Variants in PRDM16 observed in about 807,000 individuals in gnomAD.
The protein encoded by PRDM16 is histone-lysine N-methyltransferase PRDM16.
In PRDM16, 23 loss-of-function variants were observed where a neutral mutation model predicts 110.6. The observed-to-expected ratio is 0.21, with a 90% CI of 0.15 to 0.29. PRDM16 has a LOEUF of 0.29. Among genes scored for constraint, PRDM16 ranks in the 10% least tolerant of loss-of-function variants. The pLI, the probability that PRDM16 is intolerant of heterozygous loss-of-function variation, is 1.00. For missense variants in PRDM16, 1,615 were observed against 1,794.3 expected, an observed-to-expected ratio of 0.90 and a Z score of 1.81; for synonymous variants, 799 against 781.8, an observed-to-expected ratio of 1.02 and a Z score of -0.37.
At chr1:3,091,544 C>T (rs1642276983) in intron 1 of PRDM16, among the ~76,000 whole-genome samples, 2 of 152,250 alleles carry the variant, frequency 1.3e-5, no homozygotes, top group Non-Finnish European at 2.9e-5. Context: ...TGCCACACTT[C>T]TCCGTGCACC....
At chr1:3,257,310 A>G (rs1640073314) in intron 3 of PRDM16, among the ~76,000 whole-genome samples, 1 of 152,128 alleles carries the variant, frequency 6.6e-6, no homozygotes, top group Non-Finnish European at 1.5e-5. Context: ...CTCTCTGCCC[A>G]CCTGGGGTTG....
intron 1 of PRDM16, among the ~76,000 whole-genome samples, chr1:3,144,727 C>T (rs1643613533): frequency 6.6e-6 from 1 of 152,230 alleles, no homozygotes. Context: ...CCCAGCTCAG[C>T]CCCTGCACGG....
At chr1:3,072,342 C>T (rs775016830) in intron 1 of PRDM16, among the ~76,000 whole-genome samples, 31 of 152,064 alleles carry the variant, frequency 2.0e-4, no homozygotes, top group Non-Finnish European at 4.1e-4. Flanking sequence ...GAGGATGTGC[C>T]AGTCGGCACC....
chr1:3,267,137 C>G (rs1447616499), intron 3 of PRDM16, among the ~76,000 whole-genome samples: 1 of 152,126 alleles, frequency 6.6e-6, no homozygotes, highest in Non-Finnish European at 1.5e-5. Flanking sequence ...CTTTGCTTGC[C>G]CTGAAGGAGA....
chr1:3,072,058 A>G (rs546917670), intron 1 of PRDM16, among the ~76,000 whole-genome samples: 1 of 152,196 alleles, frequency 6.6e-6, no homozygotes, highest in East Asian at 1.9e-4. Flanking sequence ...GGCTCAGCTG[A>G]TGGGAAACCT....
chr1:3,285,330 A>G (rs952950222), intron 3 of PRDM16, among the ~76,000 whole-genome samples: 2 of 152,116 alleles, frequency 1.3e-5, no homozygotes, highest in Non-Finnish European at 2.9e-5. Flanking sequence ...CTGGGAAAGC[A>G]GCTCTGCCCT....
chr1:3,199,124 C>T (rs1273920884), intron 2 of PRDM16, among the ~76,000 whole-genome samples: 2 of 152,216 alleles, frequency 1.3e-5, no homozygotes, highest in South Asian at 2.1e-4. Context: ...GAGTGCTGTG[C>T]GGGGTGGCGG....
At chr1:3,109,099 A>AATT (rs1642729688) in intron 1 of PRDM16, among the ~76,000 whole-genome samples, 2 of 147,114 alleles carry the variant, frequency 1.4e-5, no homozygotes, top group Non-Finnish European at 3.0e-5. Flanking sequence ...TAATAATAAT[A>AATT]ATAATAATAA....
At chr1:3,123,085 C>T (rs890843457) in intron 1 of PRDM16, among the ~76,000 whole-genome samples, 13 of 152,168 alleles carry the variant, frequency 8.5e-5, no homozygotes, top group African/African-American at 2.7e-4. Context: ...GTGAAGAGCC[C>T]GAGGGCTGGA....
chr1:3,150,489 C>T (rs577004077), intron 1 of PRDM16, among the ~76,000 whole-genome samples: 20 of 151,976 alleles, frequency 1.3e-4, no homozygotes, highest in Non-Finnish European at 2.4e-4. Flanking sequence ...ACCCAGGAGG[C>T]GGAGATTGCA....
At position 3,202,322 on chromosome 1, in the gene PRDM16, G is replaced by A. The variant is rs149105776; in HGVS notation, c.387+15848G>A. 3.1e-3 allele frequency among the ~76,000 whole-genome samples: 463 copies of A among 151,350 alleles called. 4 individuals are homozygous for A. The highest frequency in any genetic ancestry group is 0.01 in the African/African-American group (430 of 41,154). On this transcript the variant is annotated intron_variant, in intron 2 of 16. Coordinates refer to ENST00000270722, the MANE Select transcript of PRDM16 (RefSeq NM_022114.4). Reference sequence around the variant, plus strand: ...CTGCTTCCCCCATCTTCAGGGAGCAGGTGCATCCTTCATGCTGGGGGAGTC... The same window carrying A: ...CTGCTTCCCCCATCTTCAGGGAGCAAGTGCATCCTTCATGCTGGGGGAGTC...
At position 3,436,366 on chromosome 1, in the gene PRDM16, G is replaced by A. The variant is rs934879236; in HGVS notation, c.*2555G>A. On this transcript the variant is annotated 3_prime_UTR_variant, in exon 17 of 17. Transcript: ENST00000270722. ...GCCGTTTTCGGCTGTCTTCCTAACC[G>A]TCCTGTCTTCTCTTGGCGCTCTTTC... The A allele has an allele frequency of 3.5e-5, 8 of 229,220 alleles. No individual in the cohort carries two copies. The highest frequency in any genetic ancestry group is 1.2e-4 in the East Asian group (2 of 16,134). 14.2% of individuals were successfully genotyped at this position (229,220 alleles called of 1,614,324 possible). A position where few individuals can be genotyped will look rare whatever the true frequency, so the allele number is the denominator to read the frequency against.
At chr1:3,275,866 G>A (rs934644423) in intron 3 of PRDM16, among the ~76,000 whole-genome samples, 6 of 152,196 alleles carry the variant, frequency 3.9e-5, no homozygotes, top group South Asian at 2.1e-4. Flanking sequence ...GTCTCTTCTC[G>A]TGGGGCCAGC....
intron 3 of PRDM16, chr1:3,306,813 G>A (rs995874103): frequency 6.6e-6 from 1 of 151,962 alleles, no homozygotes; most frequent in Non-Finnish European, 1.5e-5. Flanking sequence ...ACACCTATTA[G>A]TACTCACTCC....
intron 1 of PRDM16, among the ~76,000 whole-genome samples, chr1:3,121,984 C>T (rs913382306): frequency 4.6e-5 from 7 of 152,232 alleles, no homozygotes; most frequent in Admixed American, 1.3e-4. Context: ...GAGTGGCAGG[C>T]GCGGGCGGTT....
rs1307652817 is a variant in PRDM16, at chr1:3,122,325, C to T, written c.37+53029C>T. Among the ~76,000 whole-genome samples, 4 of 152,144 alleles carry T rather than the reference C, an allele frequency of 2.6e-5. 1 individual carries two copies. Among genetic ancestry groups the T allele is most frequent in the Non-Finnish European group, 5.9e-5 (4 of 68,024 alleles). On this transcript the variant is annotated intron_variant, in intron 1 of 16. Coordinates refer to ENST00000270722, the MANE Select transcript of PRDM16 (RefSeq NM_022114.4). ...CTGTCCGGTTGCTGCTCTGTCATGT[C>T]CCTCAAACATTCAAACACAGCTCCT...
rs969670959 is a variant in PRDM16, at chr1:3,435,187, A to T, written c.*1376A>T. ...CCATAGGGGCCAATTTCAAATAATA[A>T]TTTTTTTCCCTGATGGAATTTACCT... On this transcript the variant is annotated 3_prime_UTR_variant, in exon 17 of 17. Transcript: ENST00000270722. The T allele has an allele frequency of 1.8e-5, 4 of 223,548 alleles. No individual in the cohort carries two copies. Among genetic ancestry groups the T allele is most frequent in the African/African-American group, 8.9e-5 (4 of 44,700 alleles). The allele number at this position is 223,548 out of a possible 1,614,324, so 13.8% of individuals were successfully genotyped here.
At chr1:3,179,628 G>A (rs928181817) in intron 1 of PRDM16, among the ~76,000 whole-genome samples, 7 of 152,224 alleles carry the variant, frequency 4.6e-5, no homozygotes, top group African/African-American at 2.4e-5. Context: ...GTGCCCACCC[G>A]GCTGCCAACC....
intron 2 of PRDM16, among the ~76,000 whole-genome samples, chr1:3,212,838 A>G (rs1638930636): frequency 6.6e-6 from 1 of 152,080 alleles, no homozygotes; most frequent in East Asian, 1.9e-4. Flanking sequence ...CTCTCCCTCC[A>G]GCTCAGCCTC....
Sources: gnomAD v4.1 joint callset for allele counts (sites outside exome capture counted in the v4.1 genomes callset) on GRCh38, gnomAD v4.1.1 for gene constraint, MANE v1.5 for transcripts, NCBI Gene and HGNC (gene_info 2026-07-23, HGNC 2026-07-21) for gene names.